Variants in FRMD4A observed in about 807,000 individuals in gnomAD.
FRMD4A encodes FERM domain-containing protein 4A.
In FRMD4A, 29 loss-of-function variants were observed where a neutral mutation model predicts 129.1. The observed-to-expected ratio is 0.22, with a 90% confidence interval of 0.17 to 0.31. The LOEUF is 0.31. FRMD4A is among the 10% of genes least tolerant of loss of function. The pLI is 1.00. For synonymous variants in FRMD4A, 634 were observed against 571.6 expected (o/e 1.11, Z -1.56); for missense variants, 1,272 against 1,375.8 (o/e 0.92, Z 1.19).
chr10:13,971,409 G>A (rs188013169), intron 2 of FRMD4A, among the ~76,000 whole-genome samples: 22 of 152,210 alleles, frequency 1.4e-4, no homozygotes, highest in African/African-American at 5.3e-4. Flanking sequence ...GGTGACATAG[G>A]CACTTCCTCG....
intron 4 of FRMD4A, among the ~76,000 whole-genome samples, chr10:13,801,759 G>A (rs55945269): frequency 0.015 from 2,315 of 152,254 alleles, 60 homozygotes; most frequent in African/African-American, 0.052. Context: ...GTACTCTACA[G>A]GGTCAAGAAT....
intron 2 of FRMD4A, among the ~76,000 whole-genome samples, chr10:14,117,061 G>A (rs1309480427): frequency 6.6e-6 from 1 of 152,176 alleles, no homozygotes; most frequent in Non-Finnish European, 1.5e-5. Flanking sequence ...TGCCTCCTGT[G>A]GGCTGTTCCA....
intron 2 of FRMD4A, among the ~76,000 whole-genome samples, chr10:14,066,008 T>TTGTGTGTGTGTGTGTGTGTGTGTG (rs61167438): frequency 2.2e-5 from 3 of 139,126 alleles, no homozygotes; most frequent in African/African-American, 8.0e-5. Flanking sequence ...GGGTATGTAT[T>TTGTGTGTGTGTGTGTGTGTGTGTG]TGTGTGTGTG....
At chr10:13,747,451 C>T (rs545766523) in intron 9 of FRMD4A, among the ~76,000 whole-genome samples, 71 of 150,186 alleles carry the variant, frequency 4.7e-4, no homozygotes, top group African/African-American at 1.7e-3. Flanking sequence ...GCAGGAGAAT[C>T]GCTTGAGGCA....
At chr10:14,158,402 G>C (rs940798859) in intron 2 of FRMD4A, among the ~76,000 whole-genome samples, 2 of 152,108 alleles carry the variant, frequency 1.3e-5, no homozygotes, top group African/African-American at 2.4e-5. Context: ...CTTGAAGCCA[G>C]GAGCGCAAGA....
intron 5 of FRMD4A, among the ~76,000 whole-genome samples, chr10:13,794,611 A>G (rs929843929): frequency 7.9e-5 from 12 of 152,196 alleles, no homozygotes; most frequent in African/African-American, 2.9e-4. Flanking sequence ...TGACACTTCC[A>G]GAAAGATCTG....
chr10:14,318,420 G>T (rs1846835235), intron 2 of FRMD4A, among the ~76,000 whole-genome samples: 1 of 149,396 alleles, frequency 6.7e-6, no homozygotes, highest in Admixed American at 6.7e-5. Flanking sequence ...AAACATTATT[G>T]CCTTTTCAGC....
intron 2 of FRMD4A, among the ~76,000 whole-genome samples, chr10:14,032,394 G>A (rs1447267402): frequency 1.3e-5 from 2 of 152,216 alleles, no homozygotes; most frequent in East Asian, 1.9e-4. Flanking sequence ...AGACTCAAAT[G>A]CCACTGGGGT....
intron 12 of FRMD4A, among the ~76,000 whole-genome samples, chr10:13,710,859 C>A (rs1349985575): frequency 6.6e-6 from 1 of 152,032 alleles, no homozygotes; most frequent in East Asian, 1.9e-4. Flanking sequence ...GCGAAAAATA[C>A]AAAATTTAGC....
chr10:13,992,384 G>C (rs1412279908), intron 2 of FRMD4A, among the ~76,000 whole-genome samples: 1 of 152,172 alleles, frequency 6.6e-6, no homozygotes, highest in Non-Finnish European at 1.5e-5. Context: ...TCTTTAGCCT[G>C]TCTGTGGGTT....
intron 2 of FRMD4A, among the ~76,000 whole-genome samples, chr10:14,165,274 A>C (rs73597273): frequency 0.033 from 5,086 of 152,304 alleles, 287 homozygotes; most frequent in African/African-American, 0.12. Flanking sequence ...GCTCAGCGTC[A>C]GTGATCATCA....
intron 2 of FRMD4A, among the ~76,000 whole-genome samples, chr10:14,139,468 G>C (rs117276001): frequency 7.7e-6 from 1 of 130,236 alleles, no homozygotes; most frequent in South Asian, 2.6e-4. Context: ...TAATTTTTTT[G>C]AGACAGGGTC....
chr10:14,188,430 C>A (rs139691022), intron 2 of FRMD4A, among the ~76,000 whole-genome samples: 2,219 of 152,220 alleles, frequency 0.015, 52 homozygotes, highest in African/African-American at 0.05. Context: ...AATCATGTGC[C>A]GTCTCCTTTC....
At chr10:14,147,549 C>G (rs896296797) in intron 2 of FRMD4A, among the ~76,000 whole-genome samples, 5 of 152,106 alleles carry the variant, frequency 3.3e-5, no homozygotes, top group Non-Finnish European at 7.4e-5. Context: ...TTTCCTGCAA[C>G]TAGATTGTCT....
At chr10:13,727,321 G>A (rs1367061799) in intron 12 of FRMD4A, among the ~76,000 whole-genome samples, 1 of 152,168 alleles carries the variant, frequency 6.6e-6, no homozygotes. Flanking sequence ...TCTCCCTGCA[G>A]GACTGAAGGA....
intron 22 of FRMD4A, 40 bp from the exon 23 acceptor site, chr10:13,654,552 G>A: frequency 7.5e-7 from 1 of 1,332,292 alleles, no homozygotes; most frequent in Non-Finnish European, 1.1e-6. Context: ...GAGCAGACAG[G>A]GATCAGACAC....
At chr10:13,971,554 A>T in intron 2 of FRMD4A, 2 of 597,664 alleles carry the variant, frequency 3.3e-6, no homozygotes, top group East Asian at 1.4e-4. Flanking sequence ...AACATGCTTC[A>T]GAGTCCCGAA....
At chr10:14,183,271 A>G (rs1234850589) in intron 2 of FRMD4A, among the ~76,000 whole-genome samples, 1 of 152,250 alleles carries the variant, frequency 6.6e-6, no homozygotes, top group Non-Finnish European at 1.5e-5. Context: ...TTCACTTTAT[A>G]TCATTAGTGG....
intron 4 of FRMD4A, among the ~76,000 whole-genome samples, chr10:13,803,428 C>T (rs140014284): frequency 1.7e-3 from 255 of 152,292 alleles, no homozygotes; most frequent in African/African-American, 5.9e-3. Flanking sequence ...AACCCCTGGG[C>T]TCAAGTGATC....
Sources: gnomAD v4.1 joint callset for allele counts (sites outside exome capture counted in the v4.1 genomes callset) on GRCh38, gnomAD v4.1.1 for gene constraint, MANE v1.5 for transcripts, NCBI Gene and HGNC (gene_info 2026-07-23, HGNC 2026-07-21) for gene names.